The following TMEM108 variants were observed in gnomAD, a reference collection of about 807,000 sequenced individuals.
The protein encoded by TMEM108 is cancer/testis antigen 124.
TMEM108 carries 12 observed loss-of-function variants against 35.1 expected under a neutral mutation model. The observed-to-expected ratio is 0.34, with a 90% CI of 0.22 to 0.55. The LOEUF is 0.55. Ranked by LOEUF, TMEM108 falls within the 20% of genes least tolerant of loss-of-function variation. The pLI, the probability that TMEM108 is intolerant of heterozygous loss-of-function variation, is 0.89. For missense variants in TMEM108, 680 were observed against 753.3 expected (o/e 0.90, Z 1.14); for synonymous variants, 287 against 308.6 (o/e 0.93, Z 0.73).
intron 2 of TMEM108, among the ~76,000 whole-genome samples, chr3:133,087,031 G>A (rs370213602): frequency 5.9e-5 from 9 of 152,292 alleles, no homozygotes; most frequent in East Asian, 1.9e-4. Flanking sequence ...GAATCCCTGG[G>A]GAGGAACATT....
intron 2 of TMEM108, among the ~76,000 whole-genome samples, chr3:133,128,145 C>G (rs767504368): frequency 2.0e-5 from 3 of 152,214 alleles, no homozygotes; most frequent in African/African-American, 7.2e-5. Context: ...CATAGTATAA[C>G]AGTAACTCTA....
At chr3:133,079,189 G>C (rs1576307372) in intron 2 of TMEM108, among the ~76,000 whole-genome samples, 1 of 152,208 alleles carries the variant, frequency 6.6e-6, no homozygotes, top group East Asian at 1.9e-4. Context: ...GTGTAAAGAG[G>C]GGCCTTCAAC....
At chr3:133,128,804 CTCTG>C (rs1362264601) in intron 2 of TMEM108, among the ~76,000 whole-genome samples, 2 of 152,220 alleles carry the variant, frequency 1.3e-5, no homozygotes, top group Non-Finnish European at 2.9e-5. Flanking sequence ...CTCCGTCATG[CTCTG>C]TCTACTTCAG....
intron 3 of TMEM108, 60 bp downstream of exon 3, chr3:133,229,411 A>G (rs2107652358): frequency 6.4e-7 from 1 of 1,555,048 alleles, no homozygotes; most frequent in Non-Finnish European, 8.8e-7. Context: ...TTTGCTGGGT[A>G]CCCACAACTT....
chr3:133,083,876 T>TAA (rs5852727), intron 2 of TMEM108, among the ~76,000 whole-genome samples: 5 of 148,658 alleles, frequency 3.4e-5, no homozygotes, highest in East Asian at 2.0e-4. Flanking sequence ...TGAGATAAAG[T>TAA]AAAAAAAAAA....
intron 2 of TMEM108, among the ~76,000 whole-genome samples, chr3:133,169,841 C>T (rs1441723681): frequency 6.6e-6 from 1 of 151,660 alleles, no homozygotes; most frequent in South Asian, 2.1e-4. Flanking sequence ...TGTAGATTAG[C>T]CCCAATGAGT....
chr3:133,161,287 CCATCAGCTCT>C (rs1315909010), intron 2 of TMEM108, among the ~76,000 whole-genome samples: 1 of 152,192 alleles, frequency 6.6e-6, no homozygotes, highest in Non-Finnish European at 1.5e-5. Context: ...CCTCTTCATA[CCATCAGCTCT>C]CACCTTAACA....
At chr3:133,332,276 G>C (rs912420589) in intron 3 of TMEM108, among the ~76,000 whole-genome samples, 7 of 152,168 alleles carry the variant, frequency 4.6e-5, no homozygotes, top group African/African-American at 1.4e-4. Context: ...TAGCTCCCAG[G>C]GTCCCTCAGT....
intron 3 of TMEM108, among the ~76,000 whole-genome samples, chr3:133,361,892 G>T (rs2072361448): frequency 6.6e-6 from 1 of 152,188 alleles, no homozygotes; most frequent in African/African-American, 2.4e-5. Context: ...CCTATGGGAT[G>T]AGATATTTTG....
chr3:133,187,145 G>A (rs1945432645), intron 2 of TMEM108, among the ~76,000 whole-genome samples: 2 of 152,142 alleles, frequency 1.3e-5, no homozygotes, highest in South Asian at 4.1e-4. Context: ...CGTAGACTAG[G>A]CTTTATCTCT....
intron 3 of TMEM108, among the ~76,000 whole-genome samples, chr3:133,275,866 G>C (rs1422931407): frequency 2.0e-5 from 3 of 152,144 alleles, no homozygotes; most frequent in Admixed American, 6.6e-5. Context: ...GCAGATAAAG[G>C]ATTGTGAGTC....
At chr3:133,077,363 G>T (rs1484537165) in intron 2 of TMEM108, among the ~76,000 whole-genome samples, 1 of 152,164 alleles carries the variant, frequency 6.6e-6, no homozygotes, top group Non-Finnish European at 1.5e-5. Context: ...TCAGCCAGGA[G>T]CAAGTTATAT....
intron 2 of TMEM108, among the ~76,000 whole-genome samples, chr3:133,122,720 C>T (rs1188728198): frequency 3.3e-5 from 5 of 151,656 alleles, no homozygotes; most frequent in South Asian, 2.1e-4. Flanking sequence ...AAAATTAGCT[C>T]GGTGTGGTTG....
At chr3:133,174,065 G>A (rs145513861) in intron 2 of TMEM108, among the ~76,000 whole-genome samples, 2,115 of 152,292 alleles carry the variant, frequency 0.014, 51 homozygotes, top group African/African-American at 0.048. Flanking sequence ...CTATTCCCAC[G>A]GAGCCTTGCT....
chr3:133,120,424 A>G (rs150827222), intron 2 of TMEM108, among the ~76,000 whole-genome samples: 59 of 152,200 alleles, frequency 3.9e-4, no homozygotes, highest in African/African-American at 1.3e-3. Context: ...AAGCCCCTTA[A>G]CCTTTAAAAG....
chr3:133,309,277 A>C (rs1429953497), intron 3 of TMEM108, among the ~76,000 whole-genome samples: 2 of 151,570 alleles, frequency 1.3e-5, no homozygotes, highest in Non-Finnish European at 2.9e-5. Flanking sequence ...TCCTGCTAGC[A>C]GTCTATCAAT....
At chr3:133,139,806 T>C (rs953148097) in intron 2 of TMEM108, among the ~76,000 whole-genome samples, 5 of 152,338 alleles carry the variant, frequency 3.3e-5, no homozygotes, top group African/African-American at 1.2e-4. Flanking sequence ...CCTGATTGCT[T>C]GCCACTGTGA....
intron 3 of TMEM108, among the ~76,000 whole-genome samples, chr3:133,369,903 C>T (rs150366190): frequency 1.1e-4 from 16 of 152,316 alleles, no homozygotes; most frequent in African/African-American, 2.9e-4. Context: ...GCCCACCCCA[C>T]GGGGTAGCCT....
At chr3:133,330,043 C>T (rs1292443501) in intron 3 of TMEM108, among the ~76,000 whole-genome samples, 1 of 152,134 alleles carries the variant, frequency 6.6e-6, no homozygotes, top group African/African-American at 2.4e-5. Flanking sequence ...AAAAAAAAAT[C>T]TGTGACAGCA....
Sources: allele counts gnomAD v4.1 joint callset (sites outside exome capture counted in the v4.1 genomes callset), GRCh38; gene constraint gnomAD v4.1.1; transcripts MANE v1.5; gene names NCBI Gene and HGNC (gene_info 2026-07-23, HGNC 2026-07-21).